The following WDR4 variants were observed in gnomAD, a reference collection of about 807,000 sequenced individuals.
WDR4 encodes the protein tRNA (guanine-N(7)-)-methyltransferase non-catalytic subunit WDR4.
Under a neutral mutation model 48.6 loss-of-function variants are expected in WDR4, and 47 were observed. That is an observed-to-expected ratio of 0.97 (90% CI 0.77 to 1.23). The LOEUF is 1.23. Among genes scored for constraint, WDR4 ranks in the 50% most tolerant of loss-of-function variants. The pLI, the probability that WDR4 is intolerant of heterozygous loss-of-function variation, is 0.00. For missense variants in WDR4, 606 were observed against 551.6 expected (o/e 1.10, Z -0.99); for synonymous variants, 268 against 230.0 (o/e 1.17, Z -1.49).
chr21:42,859,603 C>CCCCCA, intron 6 of WDR4, 59 bp downstream of exon 6: 1 of 586,302 alleles, frequency 1.7e-6, no homozygotes, highest in Non-Finnish European at 2.8e-6. Flanking sequence ...AGGCGCCCAC[C>CCCCCA]CCACCCTCCC....
At chr21:42,853,014 G>A (rs1399211809) in intron 9 of WDR4, among the ~76,000 whole-genome samples, 5 of 152,188 alleles carry the variant, frequency 3.3e-5, no homozygotes, top group South Asian at 2.1e-4. Context: ...GACGCAGGGC[G>A]GGCAGGGGCA....
At chr21:42,873,783 G>A in intron 2 of WDR4, 92 bp from the exon 3 acceptor site, 2 of 1,489,556 alleles carry the variant, frequency 1.3e-6, no homozygotes, top group South Asian at 1.3e-5. Context: ...TAACATGGGA[G>A]GAGGTAGAAA....
intron 1 of WDR4, 162 bp downstream of exon 1, chr21:42,879,244 CG>C (rs769260293): frequency 2.2e-6 from 3 of 1,341,428 alleles, no homozygotes; most frequent in Non-Finnish European, 2.9e-6. Flanking sequence ...CGCAGAGACG[CG>C]GCCAGGCCGA....
the WDR4 span, among the ~76,000 whole-genome samples, chr21:42,891,696 G>A: frequency 6.6e-6 from 1 of 152,068 alleles, no homozygotes; most frequent in Non-Finnish European, 1.5e-5. Flanking sequence ...AGTGGCTCAC[G>A]CCTGTAACCC....
chr21:42,870,247 A>C (rs1353763195), intron 3 of WDR4, among the ~76,000 whole-genome samples: 1 of 152,118 alleles, frequency 6.6e-6, no homozygotes, highest in Admixed American at 6.5e-5. Context: ...GCTGCTCGGG[A>C]GGCGGAGGCA....
intron 1 of WDR4, among the ~76,000 whole-genome samples, chr21:42,877,382 G>A (rs958165733): frequency 2.0e-5 from 3 of 149,776 alleles, no homozygotes; most frequent in Non-Finnish European, 4.4e-5. Context: ...GACCTCAGAT[G>A]ATCTGCCCGC....
upstream of WDR4, among the ~76,000 whole-genome samples, chr21:42,881,513 C>T (rs1311883623): frequency 6.6e-6 from 1 of 152,178 alleles, no homozygotes. Flanking sequence ...TTTTTCAAGT[C>T]CCAGAGTTCA....
chr21:42,866,453 T>C (rs2058248973), intron 3 of WDR4, among the ~76,000 whole-genome samples: 1 of 152,016 alleles, frequency 6.6e-6, no homozygotes, highest in Admixed American at 6.5e-5. Context: ...AGGCTAGGAG[T>C]ACATGGAACC....
At chr21:42,845,122 AC>A (rs2057699595), downstream of WDR4, among the ~76,000 whole-genome samples, 1 of 152,244 alleles carries the variant, frequency 6.6e-6, no homozygotes, top group African/African-American at 2.4e-5. Context: ...CTGCACGTGC[AC>A]ATACAATCAC....
At chr21:42,892,845 G>C in the WDR4 span, among the ~76,000 whole-genome samples, 1 of 152,240 alleles carries the variant, frequency 6.6e-6, no homozygotes, top group African/African-American at 2.4e-5. Flanking sequence ...CGCGTGGTGT[G>C]GGCGCCGAGG....
At chr21:42,888,252 T>C in the WDR4 span, among the ~76,000 whole-genome samples, 7 of 152,202 alleles carry the variant, frequency 4.6e-5, no homozygotes, top group Non-Finnish European at 1.0e-4. Flanking sequence ...TAGATATAGA[T>C]ATAAGTATCT....
At chr21:42,886,774 A>C in the WDR4 span, 1 of 152,372 alleles carries the variant, frequency 6.6e-6, no homozygotes, top group South Asian at 2.1e-4. Context: ...GTGTAGTTTT[A>C]GTAAGTCTTA....
At chr21:42,890,175 C>A in the WDR4 span, among the ~76,000 whole-genome samples, 1 of 151,986 alleles carries the variant, frequency 6.6e-6, no homozygotes, top group Admixed American at 6.6e-5. Context: ...CCTCTTTGGC[C>A]CAAACACCTT....
intron 3 of WDR4, among the ~76,000 whole-genome samples, chr21:42,867,207 A>G (rs1179727413): frequency 6.6e-6 from 1 of 152,146 alleles, no homozygotes; most frequent in East Asian, 1.9e-4. Context: ...CCTGGCCAAC[A>G]TGGCAAAACC....
rs1312865175 is a variant in WDR4, at chr21:42,879,112, C to T, written c.89+295G>A. On this transcript the variant is annotated intron_variant, in intron 1 of 10. Transcript: ENST00000398208. ...CCGGTCCCCGCCGGCGCCGCGGAGA[C>T]CGGAAGCGACCCGGCGGCGCTAACC... 5.0e-6 allele frequency: 6 copies of T among 1,204,446 alleles called. No individual in the cohort carries two copies. The African/African-American group carries it at 9.5e-5, about 19-fold the overall frequency. 74.6% of individuals were successfully genotyped at this position (1,204,446 alleles called of 1,614,324 possible).
chr21:42,881,158 G>C (rs532384339), upstream of WDR4, among the ~76,000 whole-genome samples: 2 of 152,046 alleles, frequency 1.3e-5, no homozygotes, highest in Non-Finnish European at 2.9e-5. Flanking sequence ...CGCCTGCCTC[G>C]GCCTCCCAAA....
chr21:42,853,063 G>C (rs1453223391), intron 9 of WDR4, among the ~76,000 whole-genome samples: 3 of 152,176 alleles, frequency 2.0e-5, no homozygotes, highest in Non-Finnish European at 4.4e-5. Flanking sequence ...AAGGTACAGG[G>C]TTCGCCCCGT....
At chr21:42,845,085 G>C (rs2057699292), downstream of WDR4, among the ~76,000 whole-genome samples, 1 of 152,226 alleles carries the variant, frequency 6.6e-6, no homozygotes, top group African/African-American at 2.4e-5. Flanking sequence ...CGGATAGCTG[G>C]AGATACCGTG....
rs1462698681 is a variant in WDR4, at chr21:42,850,233, CCGGCAGAGCCTGTGATGGGGGAACAAGGA to C, written c.1046-20_1054del. Reference sequence around the variant, plus strand: ...GAGACTGCTGAAGCTGGCGTCTGCGCCGGCAGAGCCTGTGATGGGGGAACAAGGACAGGTGCCAGGTGGGGCAGGAACAT... The same window carrying C: ...GAGACTGCTGAAGCTGGCGTCTGCGCCAGGTGCCAGGTGGGGCAGGAACAT... On this transcript the variant is annotated splice_acceptor_variant and splice_polypyrimidine_tract_variant and coding_sequence_variant and intron_variant, in exon 11 of 11. Coordinates refer to ENST00000398208, the MANE Select transcript of WDR4 (RefSeq NM_018669.6). LOFTEE classifies it high-confidence loss of function. The C allele has an allele frequency of 6.3e-7, 1 of 1,593,266 alleles. No individual in the cohort carries two copies. The highest frequency in any genetic ancestry group is 1.4e-5 in the African/African-American group (1 of 74,038).
Sources: allele counts gnomAD v4.1 joint callset (sites outside exome capture counted in the v4.1 genomes callset), GRCh38; gene constraint gnomAD v4.1.1; transcripts MANE v1.5; gene names NCBI Gene and HGNC (gene_info 2026-07-23, HGNC 2026-07-21).